WWOX: variants seen among roughly 807,000 people sequenced by gnomAD.
The protein encoded by WWOX is WW domain containing oxidoreductase.
Under a neutral mutation model 46.2 loss-of-function variants are expected in WWOX, and 69 were observed. That is an observed-to-expected ratio of 1.49 (90% CI 1.23 to 1.82). The LOEUF (loss-of-function observed/expected upper bound fraction) is 1.82. WWOX is among the 40% of genes most tolerant of loss of function. The probability of loss-of-function intolerance (pLI) is 0.00; values close to 1 mark genes in which losing one functional copy is unlikely to be tolerated. For synonymous variants in WWOX, 359 were observed against 202.6 expected (o/e 1.77, Z -6.56); for missense variants, 919 against 542.6 (o/e 1.69, Z -6.89).
intron 8 of WWOX, among the ~76,000 whole-genome samples, chr16:79,193,313 T>C (rs1327227766): frequency 6.6e-6 from 1 of 152,238 alleles, no homozygotes; most frequent in Non-Finnish European, 1.5e-5. Context: ...GAACTCTTTG[T>C]TGTCTGCACA....
chr16:78,341,905 C>CT (rs1777206618), intron 5 of WWOX, among the ~76,000 whole-genome samples: 1 of 119,460 alleles, frequency 8.4e-6, no homozygotes, highest in South Asian at 2.5e-4. Context: ...GCTTGTCTTA[C>CT]AGGAGTTGAA....
At chr16:78,425,111 T>G (rs2083046285) in intron 7 of WWOX, 56 bp downstream of exon 7, 4 of 1,602,012 alleles carry the variant, frequency 2.5e-6, no homozygotes, top group Non-Finnish European at 3.4e-6. Context: ...CAGCTAATAT[T>G]CCCCCAAGGC....
intron 5 of WWOX, among the ~76,000 whole-genome samples, chr16:78,363,765 C>A (rs4075557): frequency 0.1 from 15,979 of 152,204 alleles, 1,244 homozygotes; most frequent in East Asian, 0.3. Flanking sequence ...TTAGCAACAT[C>A]ATGAGCTCAA....
At chr16:78,621,226 C>T (rs2046172406) in intron 8 of WWOX, among the ~76,000 whole-genome samples, 1 of 152,134 alleles carries the variant, frequency 6.6e-6, no homozygotes, top group African/African-American at 2.4e-5. Context: ...AATAAGGCTG[C>T]CAAGCTCGGT....
At position 78,261,768 on chromosome 16, in the gene WWOX, C is replaced by CTAGA. The variant is rs2079238887; in HGVS notation, c.516+97481_516+97482insGATA. On this transcript the variant is annotated intron_variant, in intron 5 of 8. Coordinates refer to ENST00000566780, the MANE Select transcript of WWOX (RefSeq NM_016373.4). ...TGTGTGTGTCTGTCTATCTATCTAT[C>CTAGA]TATGTATCTATCTATCTATCTATAT... Among the ~76,000 whole-genome samples the CTAGA allele has an allele frequency of 1.8e-4, 8 of 45,252 alleles. 1 individual carries two copies. The highest frequency in any genetic ancestry group is 1.8e-3 in the South Asian group (2 of 1,102). The allele number at this position is 45,252 out of a possible 152,430, so 29.7% of individuals were successfully genotyped here. A position where few individuals can be genotyped will look rare whatever the true frequency, so the allele number is the denominator to read the frequency against.
intron 5 of WWOX, among the ~76,000 whole-genome samples, chr16:78,363,117 C>T (rs111886019): frequency 2.6e-5 from 4 of 152,074 alleles, no homozygotes; most frequent in Admixed American, 6.6e-5. Context: ...AACATCTTTC[C>T]GTCCAGTGGT....
intron 8 of WWOX, among the ~76,000 whole-genome samples, chr16:79,038,352 A>G (rs1216326836): frequency 6.6e-6 from 1 of 152,218 alleles, no homozygotes; most frequent in Non-Finnish European, 1.5e-5. Context: ...TGCTTATGAT[A>G]CAACATTAGG....
At chr16:78,109,910 T>C (rs1456379680) in intron 3 of WWOX, 75 bp downstream of exon 3, 3 of 1,462,736 alleles carry the variant, frequency 2.1e-6, no homozygotes, top group African/African-American at 2.8e-5. Flanking sequence ...AAGTAATACA[T>C]AGTAACTGTA....
At chr16:78,544,839 C>G (rs911850626) in intron 8 of WWOX, among the ~76,000 whole-genome samples, 16 of 152,126 alleles carry the variant, frequency 1.1e-4, no homozygotes, top group African/African-American at 3.6e-4. Context: ...CGCTCCACTG[C>G]ACTCTAGCAT....
chr16:79,050,113 C>T (rs533365106), intron 8 of WWOX, among the ~76,000 whole-genome samples: 2 of 152,270 alleles, frequency 1.3e-5, no homozygotes, highest in South Asian at 2.1e-4. Flanking sequence ...GCTGCGTAAC[C>T]GTGTGGCAAC....
chr16:78,517,097 A>G (rs2151493256), intron 8 of WWOX, among the ~76,000 whole-genome samples: 1 of 152,326 alleles, frequency 6.6e-6, no homozygotes, highest in Admixed American at 6.5e-5. Flanking sequence ...TTATTTATGA[A>G]ATCGGGGCAG....
intron 8 of WWOX, among the ~76,000 whole-genome samples, chr16:78,477,738 C>T (rs538109691): frequency 1.8e-4 from 28 of 151,842 alleles, no homozygotes; most frequent in Non-Finnish European, 3.2e-4. Context: ...ATGTTACGTG[C>T]GGATAATCTT....
intron 4 of WWOX, among the ~76,000 whole-genome samples, chr16:78,124,794 C>G (rs373703068): frequency 3.9e-5 from 6 of 152,192 alleles, no homozygotes; most frequent in East Asian, 3.9e-4. Flanking sequence ...ATTTTTGGAG[C>G]CTTCATGTTA....
At chr16:78,957,290 A>G (rs957724695) in intron 8 of WWOX, among the ~76,000 whole-genome samples, 4 of 152,240 alleles carry the variant, frequency 2.6e-5, no homozygotes, top group Non-Finnish European at 1.5e-5. Context: ...CGACCAGATA[A>G]TTATCTGAGA....
intron 8 of WWOX, among the ~76,000 whole-genome samples, chr16:79,055,693 C>G (rs910346694): frequency 6.6e-6 from 1 of 152,182 alleles, no homozygotes; most frequent in African/African-American, 2.4e-5. Context: ...AGAGCAAACA[C>G]CCAAGGGCAA....
chr16:78,247,127 C>T (rs1162203889), intron 5 of WWOX, among the ~76,000 whole-genome samples: 1 of 152,078 alleles, frequency 6.6e-6, no homozygotes, highest in African/African-American at 2.4e-5. Flanking sequence ...CCCCAGCCCC[C>T]TTTTTTTCAG....
intron 8 of WWOX, among the ~76,000 whole-genome samples, chr16:78,871,072 T>A (rs1323965999): frequency 3.3e-5 from 5 of 152,186 alleles, no homozygotes; most frequent in Admixed American, 1.3e-4. Flanking sequence ...TTATCCCCTA[T>A]AGCTCATAGA....
intron 8 of WWOX, among the ~76,000 whole-genome samples, chr16:79,162,105 A>AT (rs1211177022): frequency 1.3e-5 from 2 of 152,054 alleles, no homozygotes; most frequent in Non-Finnish European, 2.9e-5. Flanking sequence ...TCATTACCTG[A>AT]TTTTTTACTG....
Position 78,240,843 on chromosome 16 carries a change from C to T in WWOX, c.516+76554C>T, listed in dbSNP as rs139788054. Among the ~76,000 whole-genome samples, 260 of 152,292 alleles carry T rather than the reference C, an allele frequency of 1.7e-3. 1 individual carries two copies. The highest frequency in any genetic ancestry group is 0.017 in the Middle Eastern group (5 of 294). On this transcript the variant is annotated intron_variant, in intron 5 of 8. Transcript: ENST00000566780. ...AGAAGATCCCTGTCTCATTGAGAAG[C>T]GTTGAGTAAATGGGTCTCTCTGGTC...
Sources: allele counts gnomAD v4.1 joint callset (sites outside exome capture counted in the v4.1 genomes callset), GRCh38; gene constraint gnomAD v4.1.1; transcripts MANE v1.5; gene names NCBI Gene and HGNC (gene_info 2026-07-23, HGNC 2026-07-21).